Variants in LRRN2 observed in about 807,000 individuals in gnomAD.
LRRN2 encodes leucine-rich repeat neuronal protein 2.
In LRRN2, 10 loss-of-function variants were observed where a neutral mutation model predicts 35.7. The observed-to-expected ratio is 0.28, with a 90% CI of 0.17 to 0.47. The LOEUF is 0.47. LRRN2 is among the 20% of genes least tolerant of loss of function. The pLI is 0.99. For missense variants in LRRN2, 731 were observed against 940.3 expected (o/e 0.78, Z 2.91); for synonymous variants, 391 against 409.6 (o/e 0.95, Z 0.55).
rs546359626 is a variant in LRRN2 at position 204,661,297 on chromosome 1, G to C, written c.-227+24023C>G. Among the ~76,000 whole-genome samples the C allele has an allele frequency of 8.3e-4, 127 of 152,230 alleles. 1 individual carries two copies. Among genetic ancestry groups the C allele is most frequent in the African/African-American group, 3.0e-3 (126 of 41,530 alleles). ...TGCTGAGTGTAAGAGAGCCTTTTAGGGGGCTAGAAATGTCCTACATGTTGT... is the reference window on the plus strand; with the variant it reads ...TGCTGAGTGTAAGAGAGCCTTTTAGCGGGCTAGAAATGTCCTACATGTTGT... On this transcript the variant is annotated intron_variant, in intron 1 of 1. Transcript: ENST00000367177.
chr1:204,650,092 G>A (rs1668190126), intron 1 of LRRN2, among the ~76,000 whole-genome samples: 1 of 152,216 alleles, frequency 6.6e-6, no homozygotes, highest in Non-Finnish European at 1.5e-5. Context: ...CTGGCCCTGG[G>A]CCCTGTGCCA....
At chr1:204,684,887 C>T (rs1053553556) in intron 1 of LRRN2, among the ~76,000 whole-genome samples, 2 of 152,246 alleles carry the variant, frequency 1.3e-5, no homozygotes, top group Admixed American at 6.5e-5. Flanking sequence ...CGCTTCCAGC[C>T]TGCCAGTCCG....
intron 1 of LRRN2, chr1:204,663,868 G>A (rs951000784): frequency 1.2e-4 from 18 of 152,244 alleles, no homozygotes; most frequent in Admixed American, 9.8e-4. Flanking sequence ...AGATCGACGA[G>A]GGGAGAAAAA....
chr1:204,652,260 GCCC>G (rs57390819), intron 1 of LRRN2, among the ~76,000 whole-genome samples: 31,460 of 60,298 alleles, frequency 0.52, 5,277 homozygotes, highest in East Asian at 0.63. Flanking sequence ...CCTCTTCACC[GCCC>G]CCCCCCCGCC....
At chr1:204,627,870 G>A (rs1571635301) in intron 1 of LRRN2, among the ~76,000 whole-genome samples, 1 of 152,236 alleles carries the variant, frequency 6.6e-6, no homozygotes, top group South Asian at 2.1e-4. Context: ...GGCAGGAACT[G>A]TGCTTCAAGT....
At chr1:204,647,262 A>G (rs1329631) in intron 1 of LRRN2, among the ~76,000 whole-genome samples, 54,705 of 152,038 alleles carry the variant, frequency 0.36, 10,181 homozygotes, top group African/African-American at 0.44. Flanking sequence ...TTCATGCCAC[A>G]TTGAATAAAT....
Position 204,617,596 on chromosome 1 carries a change from A to G in LRRN2, c.*255T>C. On this transcript the variant is annotated 3_prime_UTR_variant, in exon 2 of 2. Coordinates refer to ENST00000367177, the MANE Select transcript of LRRN2 (RefSeq NM_201630.2). ...AGAAGATGGGGAGGCAGGAGGCTCTAGCCAAAGTCCCTCCTGTTCCTTGGA... is the reference window on the plus strand; with the variant it reads ...AGAAGATGGGGAGGCAGGAGGCTCTGGCCAAAGTCCCTCCTGTTCCTTGGA... 2.0e-6 allele frequency: 1 copy of G among 495,062 alleles called. No individual in the cohort carries two copies. Among genetic ancestry groups the G allele is most frequent in the Non-Finnish European group, 3.6e-6 (1 of 276,104 alleles). 30.7% of individuals were successfully genotyped at this position (495,062 alleles called of 1,614,324 possible).
intron 1 of LRRN2, among the ~76,000 whole-genome samples, chr1:204,666,985 A>C (rs1408743945): frequency 4.0e-5 from 6 of 150,838 alleles, no homozygotes; most frequent in Non-Finnish European, 3.0e-5. Context: ...AAAAAAAAAA[A>C]AGCCAACAGC....
chr1:204,648,243 G>A (rs994802134), intron 1 of LRRN2, among the ~76,000 whole-genome samples: 2 of 152,218 alleles, frequency 1.3e-5, no homozygotes, highest in Admixed American at 6.5e-5. Context: ...GAGAGGTGCA[G>A]CCAACTGCAC....
rs145584924 is a variant in LRRN2 at position 204,649,790 on chromosome 1, C to T, written c.-226-29572G>A. Reference sequence around the variant, plus strand: ...GCAGACATGGACGTGAGCCCTCTCCCGGCTGCAGAGAATCATGGCCTCTCC... The same window carrying T: ...GCAGACATGGACGTGAGCCCTCTCCTGGCTGCAGAGAATCATGGCCTCTCC... On this transcript the variant is annotated intron_variant, in intron 1 of 1. Transcript: ENST00000367177. Among the ~76,000 whole-genome samples, 741 of 152,216 alleles carry T rather than the reference C, an allele frequency of 4.9e-3. 6 individuals are homozygous for T. The highest frequency in any genetic ancestry group is 0.017 in the African/African-American group (712 of 41,518).
chr1:204,661,690 G>A (rs1668475492), intron 1 of LRRN2, among the ~76,000 whole-genome samples: 1 of 152,246 alleles, frequency 6.6e-6, no homozygotes, highest in Non-Finnish European at 1.5e-5. Context: ...TGGGAGCCAT[G>A]AGGGGCAGCT....
In LRRN2 at chr1:204,643,795, C is replaced by T. The variant is rs183370020; in HGVS notation, c.-226-23577G>A. Among the ~76,000 whole-genome samples the T allele has an allele frequency of 2.4e-3, 358 of 152,194 alleles. 2 individuals are homozygous for T. The highest frequency in any genetic ancestry group is 8.3e-3 in the African/African-American group (343 of 41,494). ...ACCCAGGGGCTAGAGGAAGATCAGC[C>T]TCAGGAAGCTGGGAACCAAATGCTC... On this transcript the variant is annotated intron_variant, in intron 1 of 1. Coordinates refer to ENST00000367177, the MANE Select transcript of LRRN2 (RefSeq NM_201630.2).
chr1:204,617,930 A>G lies in LRRN2; in HGVS notation c.2063T>C (p.Leu688Pro). ...CAGCTTCCTCCCTGGATTCCAGGGC[A>G]GGACGAGGGGAGCAGACACAACCCG... Reference protein sequence around the residue: ...SVRVVSAPLVLPWNPGRKLPR... With the variant: ...SVRVVSAPLVPPWNPGRKLPR... Residue 688 changes from leucine to proline, a missense_variant, in exon 2 of 2, where the codon CTG becomes CCG. By Grantham distance (98) the Leu-to-Pro change is moderately conservative. Transcript: ENST00000367177. The G allele has an allele frequency of 6.2e-7, 1 of 1,614,048 alleles. No individual in the cohort carries two copies.
intron 1 of LRRN2, among the ~76,000 whole-genome samples, chr1:204,681,691 T>C (rs1224686673): frequency 3.9e-5 from 6 of 152,190 alleles, no homozygotes; most frequent in Non-Finnish European, 8.8e-5. Context: ...GTTGACTGAA[T>C]AAGCAAATGC....
At chr1:204,633,695 G>A (rs2102595622) in intron 1 of LRRN2, among the ~76,000 whole-genome samples, 1 of 152,320 alleles carries the variant, frequency 6.6e-6, no homozygotes, top group South Asian at 2.1e-4. Context: ...CTTGCTTCTG[G>A]CTGGCCCTAA....
chr1:204,628,585 TAGGCCAGCCTG>T (rs1006266484), intron 1 of LRRN2: 1 of 152,264 alleles, frequency 6.6e-6, no homozygotes, highest in Non-Finnish European at 1.5e-5. Flanking sequence ...ATCTTTGTAC[TAGGCCAGCCTG>T]ATGCTGGCCT....
At position 204,685,498 on chromosome 1, in the gene LRRN2, T is replaced by A. The variant is rs1669052413; in HGVS notation, c.-405A>T. 2 of 150,514 alleles carry A rather than the reference T, an allele frequency of 1.3e-5. No individual in the cohort carries two copies. The highest frequency in any genetic ancestry group is 4.9e-5 in the African/African-American group (2 of 40,640). The allele number at this position is 150,514 out of a possible 1,614,324, so 9.3% of individuals were successfully genotyped here. On this transcript the variant is annotated 5_prime_UTR_variant, in exon 1 of 2. Transcript: ENST00000367177. ...AACGTGGAGTTATCCTGGGAGCGGC[T>A]CCAGGGCCCAGCCGGTGAGGGCGAT...
chr1:204,668,151 A>G (rs1263565357), intron 1 of LRRN2, among the ~76,000 whole-genome samples: 3 of 152,146 alleles, frequency 2.0e-5, no homozygotes, highest in African/African-American at 2.4e-5. Context: ...GCTCCAAACC[A>G]AACTGCACAT....
intron 1 of LRRN2, chr1:204,621,264 ACCAC>A (rs977782030): frequency 2.4e-5 from 4 of 167,152 alleles, no homozygotes; most frequent in African/African-American, 9.7e-5. Context: ...TTCTCTTGTC[ACCAC>A]CCCACTTACC....
Sources: gnomAD v4.1 joint callset for allele counts (sites outside exome capture counted in the v4.1 genomes callset) on GRCh38, gnomAD v4.1.1 for gene constraint, MANE v1.5 for transcripts, NCBI Gene and HGNC (gene_info 2026-07-23, HGNC 2026-07-21) for gene names.